Variants in TMEM117 observed in about 807,000 individuals in gnomAD.
TMEM117 encodes transmembrane protein 117.
Under a neutral mutation model 52.4 loss-of-function variants are expected in TMEM117, and 27 were observed. The ratio of observed to expected loss-of-function variants is 0.51; its 90% confidence interval spans 0.38 to 0.71. The LOEUF is 0.71. Among genes scored for constraint, TMEM117 ranks in the 30% least tolerant of loss-of-function variants. The pLI, the probability that TMEM117 is intolerant of heterozygous loss-of-function variation, is 0.00. For missense variants in TMEM117, 556 were observed against 630.5 expected (o/e 0.88, Z 1.26); for synonymous variants, 215 against 206.3 (o/e 1.04, Z -0.36).
intron 4 of TMEM117, among the ~76,000 whole-genome samples, chr12:44,175,247 G>T (rs1949102252): frequency 6.6e-6 from 1 of 152,154 alleles, no homozygotes; most frequent in African/African-American, 2.4e-5. Flanking sequence ...TGGTGGAGAA[G>T]AGAGAAGAGG....
chr12:44,333,564 T>C (rs1445280204), intron 6 of TMEM117, among the ~76,000 whole-genome samples: 1 of 151,880 alleles, frequency 6.6e-6, no homozygotes, highest in Non-Finnish European at 1.5e-5. Context: ...TAAGGAGCTT[T>C]CCCCCTTTGC....
At chr12:44,175,866 G>T (rs1380591676) in intron 4 of TMEM117, among the ~76,000 whole-genome samples, 1 of 152,138 alleles carries the variant, frequency 6.6e-6, no homozygotes, top group Non-Finnish European at 1.5e-5. Context: ...ATGTTTATTG[G>T]TTTAATTGAA....
At chr12:43,974,934 A>G (rs1425653834) in intron 3 of TMEM117, among the ~76,000 whole-genome samples, 1 of 152,194 alleles carries the variant, frequency 6.6e-6, no homozygotes, top group Non-Finnish European at 1.5e-5. Context: ...TCTGAAGCCC[A>G]GGAAGGTCAG....
chr12:44,016,763 A>G (rs770454632), intron 3 of TMEM117, among the ~76,000 whole-genome samples: 3 of 152,172 alleles, frequency 2.0e-5, no homozygotes, highest in Non-Finnish European at 4.4e-5. Context: ...GATGATGCAA[A>G]GTATTGGGAG....
At chr12:43,901,554 C>T (rs968333884) in intron 2 of TMEM117, among the ~76,000 whole-genome samples, 2 of 152,120 alleles carry the variant, frequency 1.3e-5, no homozygotes, top group African/African-American at 4.8e-5. Flanking sequence ...TCAAGTGATC[C>T]ACCATCTCAG....
At chr12:43,910,067 TTGA>T (rs1862248856) in intron 2 of TMEM117, among the ~76,000 whole-genome samples, 1 of 116,492 alleles carries the variant, frequency 8.6e-6, no homozygotes, top group African/African-American at 2.9e-5. Flanking sequence ...ACCAATATCC[TTGA>T]TGAACATTGA....
At chr12:44,028,704 A>G (rs1224995189) in intron 3 of TMEM117, among the ~76,000 whole-genome samples, 1 of 152,218 alleles carries the variant, frequency 6.6e-6, no homozygotes, top group African/African-American at 2.4e-5. Flanking sequence ...AGAAATAACC[A>G]TAAAAATGGG....
chr12:44,238,953 G>A (rs569078296), intron 5 of TMEM117, among the ~76,000 whole-genome samples: 12 of 152,186 alleles, frequency 7.9e-5, no homozygotes, highest in African/African-American at 2.9e-4. Flanking sequence ...AATTCTGCCT[G>A]AAGTTGCTTT....
intron 6 of TMEM117, 193 bp from the exon 7 acceptor site, chr12:44,376,402 T>C: frequency 1.5e-6 from 1 of 686,394 alleles, no homozygotes; most frequent in Non-Finnish European, 2.6e-6. Flanking sequence ...AGTTATGACT[T>C]AATTTTGATT....
chr12:44,374,421 C>G (rs1389467), intron 6 of TMEM117, among the ~76,000 whole-genome samples: 150,164 of 152,286 alleles, frequency 0.99, 74,059 homozygotes, highest in East Asian at 1. Context: ...CATGGCACCA[C>G]CTGCTTCTGT....
At chr12:44,143,487 C>G in intron 3 of TMEM117, 38 bp from the exon 4 acceptor site, 1 of 1,527,204 alleles carries the variant, frequency 6.5e-7, no homozygotes, top group Non-Finnish European at 9.0e-7. Context: ...GTATGACTCT[C>G]TGAGTCCGGA....
chr12:43,884,644 C>T (rs1413954502), intron 2 of TMEM117, among the ~76,000 whole-genome samples: 4 of 152,196 alleles, frequency 2.6e-5, no homozygotes, highest in African/African-American at 9.6e-5. Flanking sequence ...TTGCTCCACT[C>T]TTACTGTTTT....
the TMEM117 span, chr12:43,800,532 T>TA: frequency 1.2e-6 from 2 of 1,611,052 alleles, no homozygotes; most frequent in Admixed American, 1.7e-5. Flanking sequence ...TTGACGAACC[T>TA]ATTCAGTTGT....
intron 2 of TMEM117, among the ~76,000 whole-genome samples, chr12:43,936,419 G>C (rs1944952675): frequency 6.6e-6 from 1 of 152,080 alleles, no homozygotes; most frequent in African/African-American, 2.4e-5. Context: ...TTGATTTCCT[G>C]GTAGGATATC....
At chr12:43,992,991 A>G (rs902967977) in intron 3 of TMEM117, among the ~76,000 whole-genome samples, 8 of 152,230 alleles carry the variant, frequency 5.3e-5, no homozygotes, top group South Asian at 2.1e-4. Flanking sequence ...ATGAATAACA[A>G]TACACAGCAG....
chr12:44,280,411 C>A (rs1294990346), intron 5 of TMEM117, among the ~76,000 whole-genome samples: 2 of 152,186 alleles, frequency 1.3e-5, no homozygotes, highest in African/African-American at 4.8e-5. Flanking sequence ...GCTACAATTT[C>A]AGCATTTCCT....
chr12:43,951,739 G>T (rs1945226950), intron 3 of TMEM117, among the ~76,000 whole-genome samples: 2 of 123,000 alleles, frequency 1.6e-5, no homozygotes, highest in Non-Finnish European at 3.6e-5. Flanking sequence ...ATTGATGAGG[G>T]CTCTGATCCT....
intron 3 of TMEM117, among the ~76,000 whole-genome samples, chr12:44,019,636 A>G (rs757971072): frequency 5.3e-5 from 8 of 152,236 alleles, no homozygotes; most frequent in South Asian, 2.1e-4. Flanking sequence ...TCATAAATGT[A>G]ATTTCTGATT....
chr12:43,845,336 TTG>T (rs1389950089), intron 2 of TMEM117, among the ~76,000 whole-genome samples: 1 of 151,634 alleles, frequency 6.6e-6, no homozygotes, highest in Non-Finnish European at 1.5e-5. Context: ...TGGCACATGT[TTG>T]TAATCCCAGC....
Sources: gnomAD v4.1 joint callset for allele counts (sites outside exome capture counted in the v4.1 genomes callset) on GRCh38, gnomAD v4.1.1 for gene constraint, MANE v1.5 for transcripts, NCBI Gene and HGNC (gene_info 2026-07-23, HGNC 2026-07-21) for gene names.